The following SH3KBP1 variants were observed in gnomAD, a reference collection of about 807,000 sequenced individuals.
SH3KBP1 encodes SH3 domain-containing kinase-binding protein 1.
SH3KBP1 carries 8 observed loss-of-function variants against 50.1 expected under a neutral mutation model. The observed-to-expected ratio is 0.16, with a 90% CI of 0.09 to 0.29. The LOEUF (loss-of-function observed/expected upper bound fraction) is 0.29. SH3KBP1 is among the 10% of genes least tolerant of loss of function. The pLI is 1.00. For synonymous variants in SH3KBP1, 227 were observed against 218.6 expected, an observed-to-expected ratio of 1.04 and a Z score of -0.34; for missense variants, 377 against 535.2, an observed-to-expected ratio of 0.70 and a Z score of 2.92.
At chrX:19,683,676 G>A (rs1194612194) in intron 6 of SH3KBP1, 147 bp downstream of exon 6, 11 of 506,792 alleles carry the variant, frequency 2.2e-5, no homozygotes, top group Non-Finnish European at 3.6e-5. Context: ...CAGAGGGAGA[G>A]CTAAAAAAGA....
At chrX:19,689,249 T>C (rs1488564938) in intron 5 of SH3KBP1, among the ~76,000 whole-genome samples, 1 of 112,073 alleles carries the variant, frequency 8.9e-6, no homozygotes. Flanking sequence ...CAAGTAATAG[T>C]GGCTAGTTTT....
At chrX:19,608,306 C>CTTTTTTTTT (rs57794070) in intron 8 of SH3KBP1, among the ~76,000 whole-genome samples, 11 of 87,282 alleles carry the variant, frequency 1.3e-4, no homozygotes, top group East Asian at 3.3e-4. Flanking sequence ...TTCTTTCTTT[C>CTTTTTTTTT]TTTTTTTTTT....
chrX:19,584,805 C>T (rs910412900), intron 12 of SH3KBP1, among the ~76,000 whole-genome samples: 2 of 112,180 alleles, frequency 1.8e-5, no homozygotes, highest in Non-Finnish European at 3.8e-5. Context: ...TGAGAAGCAG[C>T]GTGAGCCCGG....
chrX:19,735,533 T>G (rs957515471), intron 3 of SH3KBP1, among the ~76,000 whole-genome samples: 1 of 110,075 alleles, frequency 9.1e-6, no homozygotes, highest in East Asian at 2.8e-4. Context: ...TTCAAAGTAT[T>G]TTAAAATTTC....
chrX:19,658,558 A>ATCTT (rs763632083), intron 6 of SH3KBP1, among the ~76,000 whole-genome samples: 87 of 111,189 alleles, frequency 7.8e-4, no homozygotes, highest in Middle Eastern at 4.6e-3. Flanking sequence ...GCTCAATGAT[A>ATCTT]TCTTTCTTTC....
intron 1 of SH3KBP1, among the ~76,000 whole-genome samples, chrX:19,838,094 AC>A (rs1235323704): frequency 0.021 from 2,296 of 108,535 alleles, 64 homozygotes; most frequent in African/African-American, 0.078. Flanking sequence ...AACAACAACA[AC>A]AACAAACCAA....
At chrX:19,862,168 C>T (rs1287783110) in intron 1 of SH3KBP1, among the ~76,000 whole-genome samples, 1 of 111,978 alleles carries the variant, frequency 8.9e-6, no homozygotes, top group Non-Finnish European at 1.9e-5. Context: ...CTTGTTTGCA[C>T]CTGATCTGGG....
intron 14 of SH3KBP1, among the ~76,000 whole-genome samples, chrX:19,548,825 A>AAGAGAGAGAGAGAGAGAGAGAGAGAGAG (rs61301072): frequency 2.9e-5 from 3 of 102,428 alleles, no homozygotes; most frequent in African/African-American, 1.1e-4. Context: ...TATGGAAATA[A>AAGAGAGAGAGAGAGAGAGAGAGAGAGAG]AGAGAGAGAG....
At chrX:19,603,084 T>C (rs868187260) in intron 9 of SH3KBP1, among the ~76,000 whole-genome samples, 1 of 112,189 alleles carries the variant, frequency 8.9e-6, no homozygotes, top group Admixed American at 9.4e-5. Context: ...GTCCAGTCAG[T>C]CATGAAAACA....
chrX:19,777,587 T>C (rs895560198), intron 2 of SH3KBP1, among the ~76,000 whole-genome samples: 1 of 111,574 alleles, frequency 9.0e-6, no homozygotes, highest in Admixed American at 9.5e-5. Context: ...TGTCTAAAGC[T>C]GCATTCATTG....
chrX:19,776,097 G>A (rs1278866747), intron 2 of SH3KBP1, among the ~76,000 whole-genome samples: 1 of 111,056 alleles, frequency 9.0e-6, no homozygotes, highest in African/African-American at 3.3e-5. Flanking sequence ...CCCCCAAAAG[G>A]AATTGGCTAC....
chrX:19,665,542 G>A (rs2062576787), intron 6 of SH3KBP1, among the ~76,000 whole-genome samples: 1 of 111,902 alleles, frequency 8.9e-6, no homozygotes, highest in African/African-American at 3.2e-5. Context: ...ATCTATTAGA[G>A]GTGTAAGTAT....
At chrX:19,748,164 C>T (rs1220133168) in intron 2 of SH3KBP1, among the ~76,000 whole-genome samples, 3 of 112,212 alleles carry the variant, frequency 2.7e-5, no homozygotes, top group Admixed American at 9.4e-5. Flanking sequence ...TGACTGTGCA[C>T]GTGCAAATTC....
intron 12 of SH3KBP1, among the ~76,000 whole-genome samples, chrX:19,573,019 G>C (rs1770661542): frequency 9.0e-6 from 1 of 111,436 alleles, no homozygotes; most frequent in African/African-American, 3.3e-5. Context: ...GAACATGGCA[G>C]GGACTCAAAA....
intron 5 of SH3KBP1, among the ~76,000 whole-genome samples, chrX:19,688,691 C>A (rs1007666119): frequency 1.6e-4 from 17 of 108,681 alleles, no homozygotes; most frequent in Admixed American, 5.9e-4. Flanking sequence ...CACCGACAGG[C>A]AAAATGATTT....
At chrX:19,753,428 T>C (rs1216526962) in intron 2 of SH3KBP1, among the ~76,000 whole-genome samples, 1 of 111,740 alleles carries the variant, frequency 8.9e-6, no homozygotes, top group African/African-American at 3.3e-5. Flanking sequence ...CAAGACAGCT[T>C]TGAATAGACA....
intron 6 of SH3KBP1, chrX:19,671,145 G>T: frequency 2.3e-6 from 1 of 442,721 alleles, no homozygotes; most frequent in Non-Finnish European, 3.5e-6. Context: ...CCCCAGGTGT[G>T]ACCATTCGGA....
intron 2 of SH3KBP1, among the ~76,000 whole-genome samples, chrX:19,748,652 G>A (rs2064986656): frequency 9.0e-6 from 1 of 111,650 alleles, no homozygotes; most frequent in Non-Finnish European, 1.9e-5. Context: ...CCTAAAATAT[G>A]TCTTGCATTT....
intron 12 of SH3KBP1, among the ~76,000 whole-genome samples, chrX:19,579,087 C>A (rs1216659533): frequency 2.7e-5 from 3 of 112,055 alleles, no homozygotes; most frequent in Non-Finnish European, 5.6e-5. Context: ...GTTTTCCTGG[C>A]AGCTCTCCCT....
Sources: gnomAD v4.1 joint callset for allele counts (sites outside exome capture counted in the v4.1 genomes callset) on GRCh38, gnomAD v4.1.1 for gene constraint, MANE v1.5 for transcripts, NCBI Gene and HGNC (gene_info 2026-07-23, HGNC 2026-07-21) for gene names.